PCDHA13: variants seen among roughly 807,000 people sequenced by gnomAD.
The protein encoded by PCDHA13 is protocadherin alpha-13.
Under a neutral mutation model 64.8 loss-of-function variants are expected in PCDHA13, and 54 were observed. The observed-to-expected ratio is 0.83, with a 90% CI of 0.67 to 1.04. The LOEUF (loss-of-function observed/expected upper bound fraction) is 1.04, where lower values mean the gene tolerates loss of function less well. PCDHA13 is among the 50% of genes least tolerant of loss of function. The probability of loss-of-function intolerance (pLI) is 0.00; values close to 1 mark genes in which losing one functional copy is unlikely to be tolerated. For synonymous variants in PCDHA13, 587 were observed against 564.4 expected, an observed-to-expected ratio of 1.04 and a Z score of -0.57; for missense variants, 1,248 against 1,254.3, an observed-to-expected ratio of 0.99 and a Z score of 0.08.
At chr5:140,950,219 C>G (rs1173605199) in intron 1 of PCDHA13, among the ~76,000 whole-genome samples, 4 of 151,898 alleles carry the variant, frequency 2.6e-5, no homozygotes, top group African/African-American at 9.7e-5. Flanking sequence ...TAGTCATTTA[C>G]CATTTCTAGT....
chr5:140,946,974 G>A (rs1554217987), intron 1 of PCDHA13, among the ~76,000 whole-genome samples: 1 of 151,636 alleles, frequency 6.6e-6, no homozygotes, highest in African/African-American at 2.4e-5. Context: ...TTATAGAATA[G>A]AGGATTTTGA....
At position 140,882,174 on chromosome 5, in the gene PCDHA13, CG is replaced by C; in HGVS notation, c.-94del. 1 of 1,514,752 alleles carries C rather than the reference CG, an allele frequency of 6.6e-7. No individual in the cohort carries two copies. The highest frequency in any genetic ancestry group is 1.4e-5 in the South Asian group (1 of 74,042). The allele number at this position is 1,514,752 out of a possible 1,614,324, so 93.8% of individuals were successfully genotyped here. On this transcript the variant is annotated 5_prime_UTR_variant, in exon 1 of 4. Coordinates refer to ENST00000289272, the MANE Select transcript of PCDHA13 (RefSeq NM_018904.3). ...GCGGAATACCTCTTGCGAATCCTTC[CG>C]CACTAGGAAGCCATAAAAATTGGGC...
chr5:140,920,996 CAG>C (rs1554200030), intron 1 of PCDHA13, among the ~76,000 whole-genome samples: 3 of 151,876 alleles, frequency 2.0e-5, no homozygotes, highest in African/African-American at 7.3e-5. Context: ...CTTATTTTTT[CAG>C]AGTCAGGGTC....
chr5:140,967,287 A>G (rs1458692984), intron 1 of PCDHA13: 1 of 1,612,826 alleles, frequency 6.2e-7, no homozygotes, highest in Non-Finnish European at 8.5e-7. Flanking sequence ...AGTGCGCAGG[A>G]CCCCGACGTG....
intron 1 of PCDHA13, chr5:140,967,572 A>G: frequency 6.2e-7 from 1 of 1,613,544 alleles, no homozygotes; most frequent in Non-Finnish European, 8.5e-7. Flanking sequence ...CTACGGGAGG[A>G]CTCACCCCCA....
intron 1 of PCDHA13, among the ~76,000 whole-genome samples, chr5:140,908,042 C>T (rs2073761027): frequency 1.3e-5 from 2 of 152,196 alleles, no homozygotes; most frequent in African/African-American, 2.4e-5. Context: ...TATATAATTG[C>T]ACATCCGGCC....
chr5:140,993,133 C>T (rs2097542175), intron 3 of PCDHA13, among the ~76,000 whole-genome samples: 1 of 152,190 alleles, frequency 6.6e-6, no homozygotes, highest in East Asian at 1.9e-4. Context: ...CCTTCTGTTG[C>T]AACAAGTATA....
intron 1 of PCDHA13, among the ~76,000 whole-genome samples, chr5:140,890,874 C>T (rs1337922727): frequency 6.6e-6 from 1 of 152,082 alleles, no homozygotes; most frequent in Admixed American, 6.6e-5. Flanking sequence ...CCCCTCTGAC[C>T]TTTCATCAGG....
At chr5:140,927,854 C>T (rs1047804872) in intron 1 of PCDHA13, 1 of 1,614,222 alleles carries the variant, frequency 6.2e-7, no homozygotes, top group South Asian at 1.1e-5. Flanking sequence ...TTTGGTTTAG[C>T]TAGCACCGCT....
intron 3 of PCDHA13, among the ~76,000 whole-genome samples, chr5:140,999,986 G>A (rs2097887000): frequency 6.6e-6 from 1 of 151,990 alleles, no homozygotes; most frequent in African/African-American, 2.4e-5. Context: ...GCGGCCTCTG[G>A]GTAGTGGTAT....
intron 2 of PCDHA13, among the ~76,000 whole-genome samples, chr5:140,980,141 T>C (rs1241352797): frequency 1.3e-5 from 2 of 152,164 alleles, no homozygotes; most frequent in Non-Finnish European, 2.9e-5. Context: ...CCAGAAACAT[T>C]CATGCATATA....
Position 140,884,567 on chromosome 5 carries a change from A to T in PCDHA13, c.2299A>T (p.Thr767Ser), listed in dbSNP as rs1562807924. 1 of 1,614,120 alleles carries T rather than the reference A, an allele frequency of 6.2e-7. No homozygotes were observed. The highest frequency in any genetic ancestry group is 8.5e-7 in the Non-Finnish European group (1 of 1,180,028). The change falls in exon 1 of 4, where the codon ACG (threonine) becomes TCG (serine). Residue 767 changes from threonine (T) to serine (S), a missense_variant. Physicochemically the swap from Thr to Ser is moderately conservative, Grantham distance 58 (BLOSUM62 1). Coordinates refer to ENST00000289272, the MANE Select transcript of PCDHA13 (RefSeq NM_018904.3). ...RVCSGEGPHK[T>S]DLMAFSPSLP... ...GTGCTCTGGGGAGGGCCCGCATAAGACGGACCTCATGGCCTTCAGTCCCAG... is the reference window on the plus strand; with the variant it reads ...GTGCTCTGGGGAGGGCCCGCATAAGTCGGACCTCATGGCCTTCAGTCCCAG...
At chr5:140,946,857 G>T (rs2094041766) in intron 1 of PCDHA13, among the ~76,000 whole-genome samples, 1 of 151,296 alleles carries the variant, frequency 6.6e-6, no homozygotes, top group Non-Finnish European at 1.5e-5. Flanking sequence ...GAGAGATTGA[G>T]GAGAGGTTGG....
Position 140,930,862 on chromosome 5 carries a change from GGT to G in PCDHA13, c.2394+46201_2394+46202del, listed in dbSNP as rs1554208154. On this transcript the variant is annotated intron_variant, in intron 1 of 3. Coordinates refer to ENST00000289272, the MANE Select transcript of PCDHA13 (RefSeq NM_018904.3). Reference sequence around the variant, plus strand: ...AAATATGTGCATATATGAATTGGATGGTAACACTGTTCAACACAGAGGGAAAA... The same window carrying G: ...AAATATGTGCATATATGAATTGGATGAACACTGTTCAACACAGAGGGAAAA... 5.3e-3 allele frequency among the ~76,000 whole-genome samples: 803 copies of G among 152,226 alleles called. 3 individuals carry two copies. Among genetic ancestry groups the G allele is most frequent in the Non-Finnish European group, 8.4e-3 (568 of 67,990 alleles).
intron 1 of PCDHA13, among the ~76,000 whole-genome samples, chr5:140,939,289 A>G (rs1186126336): frequency 1.3e-5 from 2 of 152,102 alleles, no homozygotes; most frequent in African/African-American, 4.8e-5. Flanking sequence ...TCGTGATCTA[A>G]TCATCTCTAC....
chr5:140,888,059 T>C (rs1562834280), intron 1 of PCDHA13, among the ~76,000 whole-genome samples: 1 of 152,232 alleles, frequency 6.6e-6, no homozygotes, highest in African/African-American at 2.4e-5. Context: ...TGTTTTAACT[T>C]TCTTGTCTGC....
intron 1 of PCDHA13, among the ~76,000 whole-genome samples, chr5:140,902,516 G>C (rs1410717975): frequency 6.6e-6 from 1 of 151,990 alleles, no homozygotes; most frequent in Non-Finnish European, 1.5e-5. Context: ...GTCATATATG[G>C]TTTTTATTAT....
At chr5:140,953,126 C>T (rs1284922743) in intron 1 of PCDHA13, among the ~76,000 whole-genome samples, 2 of 152,096 alleles carry the variant, frequency 1.3e-5, no homozygotes, top group African/African-American at 2.4e-5. Flanking sequence ...AGATCTAAAC[C>T]GTATCACTGT....
At chr5:140,958,844 G>A (rs533464436) in intron 1 of PCDHA13, among the ~76,000 whole-genome samples, 81 of 152,122 alleles carry the variant, frequency 5.3e-4, no homozygotes, top group African/African-American at 1.9e-3. Context: ...TATCATTCCA[G>A]TGTCTTTGGT....
Sources: allele counts gnomAD v4.1 joint callset (sites outside exome capture counted in the v4.1 genomes callset), GRCh38; gene constraint gnomAD v4.1.1; transcripts MANE v1.5; gene names NCBI Gene and HGNC (gene_info 2026-07-23, HGNC 2026-07-21).